Variants in DEAF1 observed in about 807,000 individuals in gnomAD.
DEAF1 encodes DEAF1 transcription factor.
In DEAF1, 53 loss-of-function variants were observed where a neutral mutation model predicts 58.9. The observed-to-expected ratio is 0.90, with a 90% CI of 0.72 to 1.13. DEAF1 has a LOEUF of 1.13. Ranked by LOEUF, DEAF1 falls within the 50% of genes most tolerant of loss-of-function variation. DEAF1 has a pLI of 0.00. For missense variants in DEAF1, 685 were observed against 791.4 expected (o/e 0.87, Z 1.61); for synonymous variants, 385 against 340.4 (o/e 1.13, Z -1.44).
intron 8 of DEAF1, 41 bp downstream of exon 8, chr11:679,647 A>T (rs765083643): frequency 1.2e-6 from 2 of 1,605,612 alleles, no homozygotes; most frequent in Admixed American, 3.3e-5. Flanking sequence ...ACAGACAGGG[A>T]TATGCTGAGG....
At chr11:701,687 G>A (rs1189708996) in intron 1 of DEAF1, among the ~76,000 whole-genome samples, 3 of 152,082 alleles carry the variant, frequency 2.0e-5, no homozygotes, top group African/African-American at 7.2e-5. Context: ...GGGATTACAG[G>A]CGTGAGCCAC....
chr11:699,884 G>A (rs554640638), upstream of DEAF1: 1 of 466,004 alleles, frequency 2.1e-6, no homozygotes, highest in South Asian at 2.9e-5. Context: ...CAGTCAGGAG[G>A]GCAGGGGCTG....
At chr11:695,843 C>A (rs1590030077), upstream of DEAF1, 2 of 1,229,394 alleles carry the variant, frequency 1.6e-6, no homozygotes, top group African/African-American at 3.1e-5. Context: ...GGCCCCGCGG[C>A]GAGGTGAGCT....
intron 11 of DEAF1, among the ~76,000 whole-genome samples, chr11:652,609 G>C (rs1346098021): frequency 6.6e-6 from 1 of 152,026 alleles, no homozygotes; most frequent in Non-Finnish European, 1.5e-5. Flanking sequence ...CTGCACTCCA[G>C]CCTGGGCTAC....
At chr11:697,756 G>C (rs532593788), upstream of DEAF1, 2 of 152,256 alleles carry the variant, frequency 1.3e-5, no homozygotes, top group Non-Finnish European at 2.9e-5. Flanking sequence ...AGAGTGGCCT[G>C]CCGGGAACGC....
chr11:704,506 G>T (rs751251365), intron 1 of DEAF1: 2 of 1,289,230 alleles, frequency 1.6e-6, no homozygotes, highest in South Asian at 2.5e-5. Context: ...TGAGCGCCTC[G>T]GGCCACCTCC....
intron 7 of DEAF1, 111 bp downstream of exon 7, chr11:680,852 G>C (rs949724115): frequency 6.7e-7 from 1 of 1,494,582 alleles, no homozygotes; most frequent in South Asian, 1.1e-5. Context: ...CTCTGGCCAC[G>C]CAATGTGCTT....
At chr11:675,025 A>T (rs1859993268) in intron 9 of DEAF1, among the ~76,000 whole-genome samples, 1 of 152,020 alleles carries the variant, frequency 6.6e-6, no homozygotes. Flanking sequence ...GCTAAAAAAA[A>T]TACAAAAAAT....
At chr11:663,392 G>A (rs1859397470) in intron 10 of DEAF1, among the ~76,000 whole-genome samples, 1 of 152,220 alleles carries the variant, frequency 6.6e-6, no homozygotes, top group Non-Finnish European at 1.5e-5. Flanking sequence ...AGGTTGCAGT[G>A]AGCCGAGATT....
chr11:700,526 CAAAA>C (rs34654075), intron 1 of DEAF1: 53 of 900,884 alleles, frequency 5.9e-5, no homozygotes, highest in Admixed American at 8.0e-5. Context: ...GACCCTGTCT[CAAAA>C]AAAAAAAAAA....
At chr11:692,273 C>A (rs1257589051) in intron 1 of DEAF1, 1 of 160,522 alleles carries the variant, frequency 6.2e-6, no homozygotes, top group African/African-American at 2.4e-5. Context: ...TGCACCCCAC[C>A]TCCTGCCCCT....
chr11:655,838 TTATTA>T (rs1448536817), intron 10 of DEAF1, among the ~76,000 whole-genome samples: 5 of 152,188 alleles, frequency 3.3e-5, no homozygotes, highest in South Asian at 2.1e-4. Flanking sequence ...TTTATTATTA[TTATTA>T]TTTTTTTGAG....
intron 2 of DEAF1, among the ~76,000 whole-genome samples, chr11:690,538 C>A (rs1352926559): frequency 6.6e-6 from 1 of 151,954 alleles, no homozygotes; most frequent in East Asian, 1.9e-4. Flanking sequence ...CACCTGAGGT[C>A]AGGAGTTTGA....
chr11:685,867 G>A (rs1370965623), intron 5 of DEAF1, among the ~76,000 whole-genome samples: 1 of 151,442 alleles, frequency 6.6e-6, no homozygotes, highest in African/African-American at 2.4e-5. Context: ...AAATTAGGCC[G>A]GGTATTGTGG....
chr11:660,495 C>T (rs1859273255), intron 10 of DEAF1, among the ~76,000 whole-genome samples: 1 of 152,242 alleles, frequency 6.6e-6, no homozygotes, highest in Non-Finnish European at 1.5e-5. Context: ...CCTGGCCGCC[C>T]CTCCCACCAC....
chr11:680,325 A>T lies in DEAF1; in HGVS notation c.998-509T>A, dbSNP rs757847196. Among the ~76,000 whole-genome samples, 90 of 152,240 alleles carry T rather than the reference A, an allele frequency of 5.9e-4. 1 individual carries two copies. Among genetic ancestry groups the T allele is most frequent in the Non-Finnish European group, 2.2e-4 (15 of 68,038 alleles). On this transcript the variant is annotated intron_variant, in intron 7 of 11. Transcript: ENST00000382409. ...CACCCAGGGCCTCAGGAAGGAGCTG[A>T]CAGGGTGTTTTAGAAAGACCTTACT... is the stretch of plus-strand genomic sequence containing the variant.
chr11:645,376 G>A (rs1184193225), intron 11 of DEAF1, among the ~76,000 whole-genome samples: 6 of 138,524 alleles, frequency 4.3e-5, no homozygotes, highest in South Asian at 5.0e-4. Flanking sequence ...GGAGTGTAAC[G>A]CGCAATCTCG....
In DEAF1 at chr11:674,668, T is replaced by C. The variant is rs544444036; in HGVS notation, c.1371A>G (p.Glu457=). ...LSEPRSWLYL[E]EMVNSLLNTA... ...TGTTGAGCAAGGAGTTGACCATCTC[T>C]TCTAGGTACAGCCAGCTCCGCGGCT... Residue 457 remains glutamate (E), a synonymous_variant, in exon 10 of 12, where the codon GAA becomes GAG. Coordinates refer to ENST00000382409, the MANE Select transcript of DEAF1 (RefSeq NM_021008.4). The C allele has an allele frequency of 1.2e-6, 2 of 1,614,104 alleles. No homozygotes were observed. The highest frequency in any genetic ancestry group is 1.7e-5 in the Admixed American group (1 of 60,028).
Position 678,774 on chromosome 11 carries a change from G to T in DEAF1, c.1175C>A (p.Pro392His). 1 of 1,614,198 alleles carries T rather than the reference G, an allele frequency of 6.2e-7. No individual in the cohort carries two copies. Among genetic ancestry groups the T allele is most frequent in the South Asian group, 1.1e-5 (1 of 91,088 alleles). The change falls in exon 9 of 12, where the codon CCT becomes CAT. Residue 392 changes from proline (P) to histidine (H), a missense_variant. Physicochemically the swap from Pro to His is moderately conservative, Grantham distance 77. This residue lies in a region of DEAF1 where 343 missense variants were observed against 379.8 expected (regional missense o/e 0.90). Coordinates refer to ENST00000382409, the MANE Select transcript of DEAF1 (RefSeq NM_021008.4). Reference protein sequence around the residue: ...QPPCRASHPEPHYPGYQDSCQ... With the variant: ...QPPCRASHPEHHYPGYQDSCQ... ...GCTGTCCTGATAGCCGGGGTAGTGA[G>T]GCTCAGGGTGGCTGGCCCTGCATGG...
Sources: gnomAD v4.1 joint callset for allele counts (sites outside exome capture counted in the v4.1 genomes callset) on GRCh38, gnomAD v4.1.1 for gene constraint, gnomAD v4.1.1 regional missense constraint, MANE v1.5 for transcripts, NCBI Gene and HGNC (gene_info 2026-07-23, HGNC 2026-07-21) for gene names.